Variants in SYT2 observed in about 807,000 individuals in gnomAD.
SYT2 encodes synaptotagmin 2.
A neutral mutation model predicts 39.9 loss-of-function variants in SYT2; 15 were observed. The ratio of observed to expected loss-of-function variants is 0.38; its 90% CI spans 0.25 to 0.58. The LOEUF is 0.58. SYT2 is among the 20% of genes least tolerant of loss of function. The pLI, the probability that SYT2 is intolerant of heterozygous loss-of-function variation, is 0.70. For synonymous variants in SYT2, 181 were observed against 204.5 expected (o/e 0.89, Z 0.98); for missense variants, 389 against 530.3 (o/e 0.73, Z 2.62).
At position 202,702,349 on chromosome 1, in the gene SYT2, C is replaced by T. The variant is rs192227970; in HGVS notation, c.-18+7909G>A. ...AATTTCTCAGCTGTGCTTCCCCCTT[C>T]GCCTCCTGCAATGCCAGGATTGATT... On this transcript the variant is annotated intron_variant, in intron 1 of 8. Transcript: ENST00000367268. 4.5e-3 allele frequency among the ~76,000 whole-genome samples: 682 copies of T among 152,326 alleles called. 2 individuals carry two copies. Among genetic ancestry groups the T allele is most frequent in the Non-Finnish European group, 7.6e-3 (516 of 68,026 alleles).
chr1:202,653,223 C>A (rs1022864928), intron 1 of SYT2, among the ~76,000 whole-genome samples: 14 of 151,952 alleles, frequency 9.2e-5, no homozygotes, highest in Admixed American at 3.9e-4. Context: ...CCAACACGGA[C>A]CCCCCCTGAA....
intron 1 of SYT2, 45 bp from the exon 2 acceptor site, chr1:202,605,834 G>T: frequency 4.0e-6 from 6 of 1,483,666 alleles, no homozygotes; most frequent in Non-Finnish European, 5.6e-6. Context: ...TCCAGAGGTC[G>T]TCTTACCCTG....
chr1:202,680,067 T>G (rs146914004), intron 1 of SYT2, among the ~76,000 whole-genome samples: 5 of 152,334 alleles, frequency 3.3e-5, no homozygotes, highest in African/African-American at 1.2e-4. Context: ...GAACTAATAG[T>G]TTGCATGTCA....
chr1:202,676,898 C>T (rs1407921825), intron 1 of SYT2, among the ~76,000 whole-genome samples: 12 of 152,164 alleles, frequency 7.9e-5, no homozygotes, highest in Non-Finnish European at 2.9e-5. Flanking sequence ...AAGGAGAGGC[C>T]TGGTGGGAGG....
At position 202,599,521 on chromosome 1, in the gene SYT2, G is replaced by C. The variant is rs1558421721; in HGVS notation, c.920-170C>G. On this transcript the variant is annotated intron_variant, in intron 7 of 8. Coordinates refer to ENST00000367268, the MANE Select transcript of SYT2 (RefSeq NM_177402.5). The surrounding 1 kb of genome is among the most constrained non-coding windows in gnomAD (Gnocchi z 4.4). ...CCATCCAGTTCAAAGGTGGCAAAAGGCTTCACCTCCAGGACCAACTGTGAC... is the reference window on the plus strand; with the variant it reads ...CCATCCAGTTCAAAGGTGGCAAAAGCCTTCACCTCCAGGACCAACTGTGAC... Among the ~76,000 whole-genome samples, 3 of 152,132 alleles carry C rather than the reference G, an allele frequency of 2.0e-5. No homozygotes were observed. The South Asian group carries it at 6.2e-4, about 32-fold the overall frequency.
intron 1 of SYT2, among the ~76,000 whole-genome samples, chr1:202,707,153 T>G (rs992243898): frequency 6.6e-6 from 1 of 152,234 alleles, no homozygotes; most frequent in Non-Finnish European, 1.5e-5. Flanking sequence ...GTGGAACGAA[T>G]GCAGAAGGGA....
At chr1:202,611,666 T>C (rs1690887303) in intron 1 of SYT2, among the ~76,000 whole-genome samples, 2 of 152,186 alleles carry the variant, frequency 1.3e-5, no homozygotes, top group Non-Finnish European at 2.9e-5. Flanking sequence ...ATATTTTCAG[T>C]TTTTAATGGT....
chr1:202,629,866 G>T (rs1177175198), intron 1 of SYT2, among the ~76,000 whole-genome samples: 2 of 111,402 alleles, frequency 1.8e-5, no homozygotes, highest in Non-Finnish European at 1.9e-5. Context: ...CAGGCAGCTG[G>T]TGGGGGGGGG....
intron 1 of SYT2, among the ~76,000 whole-genome samples, chr1:202,654,740 G>A (rs1001126071): frequency 4.6e-5 from 7 of 152,178 alleles, no homozygotes; most frequent in African/African-American, 1.4e-4. Flanking sequence ...CTCTCAGGGA[G>A]CTCAAGGACA....
rs536295137 is a variant in SYT2 at position 202,669,377 on chromosome 1, C to T, written c.-18+40881G>A. On this transcript the variant is annotated intron_variant, in intron 1 of 8. Transcript: ENST00000367268. Reference sequence around the variant, plus strand: ...GTACAAAAAAATAATTTAGGCTGGACGCGGTGGCTCACACCTGTAATCCCA... The same window carrying T: ...GTACAAAAAAATAATTTAGGCTGGATGCGGTGGCTCACACCTGTAATCCCA... 1.7e-3 allele frequency among the ~76,000 whole-genome samples: 253 copies of T among 151,878 alleles called. 2 individuals are homozygous for T. The highest frequency in any genetic ancestry group is 3.4e-3 in the Middle Eastern group (1 of 292).
intron 1 of SYT2, among the ~76,000 whole-genome samples, chr1:202,679,255 G>C (rs925328600): frequency 1.3e-5 from 2 of 152,090 alleles, no homozygotes; most frequent in African/African-American, 4.8e-5. Flanking sequence ...CAGCTGCCTT[G>C]ATGGTGAAGA....
intron 1 of SYT2, chr1:202,643,481 G>GT (rs1280031799): frequency 7.9e-5 from 12 of 152,496 alleles, no homozygotes; most frequent in African/African-American, 2.9e-4. Context: ...CTCTGCAGTA[G>GT]TAACAACCTG....
intron 6 of SYT2, 38 bp from the exon 7 acceptor site, chr1:202,600,512 C>T (rs1690462211): frequency 6.3e-7 from 1 of 1,591,668 alleles, no homozygotes; most frequent in African/African-American, 1.3e-5. Context: ...TCATCTCACC[C>T]ATCCTAGTGC....
In SYT2 at chr1:202,597,691, A is replaced by C. The variant is rs182310532; in HGVS notation, c.1054-728T>G. 7.1e-4 allele frequency among the ~76,000 whole-genome samples: 108 copies of C among 152,086 alleles called. 1 individual carries two copies. Among genetic ancestry groups the C allele is most frequent in the Non-Finnish European group, 1.3e-3 (89 of 67,990 alleles). On this transcript the variant is annotated intron_variant, in intron 8 of 8. Coordinates refer to ENST00000367268, the MANE Select transcript of SYT2 (RefSeq NM_177402.5). ...GGAGTGTCGTGGACATTTGAGAGAG[A>C]GAGCCCTGGCATTGAGTTGGAAGAT... is the stretch of plus-strand genomic sequence containing the variant.
At chr1:202,654,655 A>G (rs1470279296) in intron 1 of SYT2, among the ~76,000 whole-genome samples, 4 of 152,178 alleles carry the variant, frequency 2.6e-5, no homozygotes, top group African/African-American at 7.2e-5. Context: ...CGCCCAACAC[A>G]CACACACATC....
chr1:202,623,789 G>A lies in SYT2; in HGVS notation c.-17-18000C>T, dbSNP rs1691266944. Among the ~76,000 whole-genome samples the A allele has an allele frequency of 1.3e-5, 2 of 152,176 alleles. No homozygotes were observed. Among genetic ancestry groups the A allele is most frequent in the African/African-American group, 2.4e-5 (1 of 41,418 alleles). On this transcript the variant is annotated intron_variant, in intron 1 of 8. Coordinates refer to ENST00000367268, the MANE Select transcript of SYT2 (RefSeq NM_177402.5). This position sits in a 1 kb window ranked among gnomAD's most constrained non-coding sequence, Gnocchi z 4.2. ...AGGCACTGCTTTCTGCAGAGTGCGT[G>A]GGCAACTGCCAGCTGGGGGAGCGCT... is the stretch of plus-strand genomic sequence containing the variant.
chr1:202,667,430 A>G (rs538200127), intron 1 of SYT2, among the ~76,000 whole-genome samples: 1 of 151,390 alleles, frequency 6.6e-6, no homozygotes, highest in East Asian at 1.9e-4. Flanking sequence ...TGCTGAGCAG[A>G]GGAAAGGATC....
At chr1:202,645,442 G>A (rs996064367) in intron 1 of SYT2, among the ~76,000 whole-genome samples, 5 of 152,164 alleles carry the variant, frequency 3.3e-5, no homozygotes, top group Admixed American at 1.3e-4. Flanking sequence ...ATTCAGGTTC[G>A]ACTTTGGGGT....
intron 1 of SYT2, among the ~76,000 whole-genome samples, chr1:202,643,763 A>G (rs1331908694): frequency 6.6e-6 from 1 of 151,900 alleles, no homozygotes; most frequent in Non-Finnish European, 1.5e-5. Flanking sequence ...GCGGTCCTAC[A>G]GAAGTTTGAG....
Sources: gnomAD v4.1 joint callset for allele counts (sites outside exome capture counted in the v4.1 genomes callset) on GRCh38, gnomAD v4.1.1 for gene constraint, Gnocchi (gnomAD v3.1) non-coding constraint, MANE v1.5 for transcripts, NCBI Gene and HGNC (gene_info 2026-07-23, HGNC 2026-07-21) for gene names.